ATP2C1: variants seen among roughly 807,000 people sequenced by gnomAD.
The protein encoded by ATP2C1 is ATPase secretory pathway Ca2+ transporting 1, also known as calcium-transporting ATPase type 2C member 1.
Under a neutral mutation model 120.5 loss-of-function variants are expected in ATP2C1, and 31 were observed. That is an observed-to-expected ratio of 0.26 (90% CI 0.19 to 0.35). The LOEUF is 0.35. Among genes scored for constraint, ATP2C1 ranks in the 10% least tolerant of loss-of-function variants. The probability of loss-of-function intolerance (pLI) is 1.00; values close to 1 mark genes in which losing one functional copy is unlikely to be tolerated. For synonymous variants in ATP2C1, 351 were observed against 358.7 expected (o/e 0.98, Z 0.24); for missense variants, 731 against 1,107.5 (o/e 0.66, Z 4.83).
chr3:130,964,238 ACC>A, intron 13 of ATP2C1, 143 bp downstream of exon 13: 1 of 1,225,268 alleles, frequency 8.2e-7, no homozygotes, highest in African/African-American at 1.5e-5. Context: ...GGTTTTAACA[ACC>A]AAAAAAGGCA....
chr3:131,007,317 T>C (rs1382314077), downstream of ATP2C1, among the ~76,000 whole-genome samples: 3 of 152,240 alleles, frequency 2.0e-5, no homozygotes, highest in African/African-American at 7.2e-5. Context: ...GATTTTGCTA[T>C]TCCTATCCTG....
intron 26 of ATP2C1, among the ~76,000 whole-genome samples, chr3:131,014,615 C>T (rs1472919658): frequency 1.3e-5 from 2 of 152,160 alleles, no homozygotes; most frequent in African/African-American, 4.8e-5. Flanking sequence ...CAACAAATTA[C>T]GTGATGCATG....
intron 7 of ATP2C1, among the ~76,000 whole-genome samples, chr3:130,941,252 G>GTGTGTGTCTGTGTGTGTGTGTC (rs371546814): frequency 6.9e-6 from 1 of 144,274 alleles, no homozygotes; most frequent in South Asian, 2.2e-4. Flanking sequence ...GTGTGTGTGT[G>GTGTGTGTCTGTGTGTGTGTGTC]TGTGTGTGTG....
At chr3:130,978,796 A>T (rs940242544) in intron 18 of ATP2C1, among the ~76,000 whole-genome samples, 1 of 152,182 alleles carries the variant, frequency 6.6e-6, no homozygotes, top group Admixed American at 6.5e-5. Context: ...CAGAGTGTTT[A>T]ATTTTTCTGG....
Position 130,996,801 on chromosome 3 carries a change from G to A in ATP2C1, c.2243+5G>A, listed in dbSNP as rs1407942726. On this transcript the variant is annotated splice_donor_5th_base_variant and intron_variant, in intron 24 of 27. Coordinates refer to ENST00000510168, the MANE Select transcript of ATP2C1 (RefSeq NM_001378687.1). ...GGATGGACCCCCAGCTCAGAGGTACGAGTTTTTTAATTGCATGAGCTGGAA... is the reference window on the plus strand; with the variant it reads ...GGATGGACCCCCAGCTCAGAGGTACAAGTTTTTTAATTGCATGAGCTGGAA... The A allele has an allele frequency of 1.6e-5, 25 of 1,564,940 alleles. No individual in the cohort carries two copies. Among genetic ancestry groups the A allele is most frequent in the South Asian group, 5.6e-5 (5 of 90,074 alleles).
chr3:130,883,487 G>A (rs1348009178), intron 1 of ATP2C1, among the ~76,000 whole-genome samples: 1 of 141,594 alleles, frequency 7.1e-6, no homozygotes, highest in African/African-American at 2.6e-5. Context: ...TCTCCACAGA[G>A]TTTTGCTCTG....
chr3:130,938,313 T>G (rs556279581), intron 6 of ATP2C1, among the ~76,000 whole-genome samples: 1 of 152,372 alleles, frequency 6.6e-6, no homozygotes, highest in East Asian at 1.9e-4. Flanking sequence ...CCTTTTTAGC[T>G]AGAACATGGT....
intron 1 of ATP2C1, among the ~76,000 whole-genome samples, chr3:130,864,725 T>C (rs1302607206): frequency 2.0e-5 from 3 of 152,228 alleles, no homozygotes; most frequent in Non-Finnish European, 2.9e-5. Context: ...CCCGAAGCCT[T>C]GGCAGCTTCC....
intron 17 of ATP2C1, among the ~76,000 whole-genome samples, chr3:130,974,012 C>G (rs2061440187): frequency 6.6e-6 from 1 of 152,060 alleles, no homozygotes; most frequent in Admixed American, 6.6e-5. Flanking sequence ...TACAGCAGGC[C>G]TAGAAATCAG....
upstream of ATP2C1, among the ~76,000 whole-genome samples, chr3:130,890,553 G>A (rs1425265892): frequency 1.3e-5 from 2 of 152,360 alleles, no homozygotes; most frequent in African/African-American, 4.8e-5. Context: ...GCTAGCAAGT[G>A]TGAAAGAGGC....
intron 1 of ATP2C1, among the ~76,000 whole-genome samples, chr3:130,885,834 C>A (rs1432844075): frequency 1.3e-5 from 2 of 151,998 alleles, no homozygotes; most frequent in African/African-American, 4.8e-5. Context: ...CTATTACCAG[C>A]GAGTTTGTAC....
At chr3:130,879,084 T>A (rs1291219836) in intron 1 of ATP2C1, among the ~76,000 whole-genome samples, 1 of 152,128 alleles carries the variant, frequency 6.6e-6, no homozygotes, top group East Asian at 1.9e-4. Flanking sequence ...TTTGACAGAG[T>A]CTCACTCTGT....
At chr3:130,873,369 GA>G (rs907189628) in intron 1 of ATP2C1, among the ~76,000 whole-genome samples, 2 of 152,154 alleles carry the variant, frequency 1.3e-5, no homozygotes, top group Non-Finnish European at 2.9e-5. Flanking sequence ...TCACCTTTAA[GA>G]AGCAATTAAT....
rs58132936 is a variant in ATP2C1, at chr3:130,906,521, T to C, written c.6+11746T>C. 4.8e-3 allele frequency among the ~76,000 whole-genome samples: 734 copies of C among 152,170 alleles called. 6 individuals carry two copies. Among genetic ancestry groups the C allele is most frequent in the African/African-American group, 0.016 (665 of 41,552 alleles). On this transcript the variant is annotated intron_variant, in intron 2 of 27. Coordinates refer to ENST00000510168, the MANE Select transcript of ATP2C1 (RefSeq NM_001378687.1). ...TAAACATGTTTTCAGTTTTTTCAGG[T>C]GTATACTTAGGAGTAGAAGTGCTGG...
At chr3:130,993,142 C>T in intron 21 of ATP2C1, 141 bp downstream of exon 21, 1 of 673,778 alleles carries the variant, frequency 1.5e-6, no homozygotes. Context: ...TTTGTAAGAG[C>T]TTGACATAGA....
At chr3:130,972,886 A>G (rs2061391549) in intron 17 of ATP2C1, among the ~76,000 whole-genome samples, 1 of 152,120 alleles carries the variant, frequency 6.6e-6, no homozygotes, top group South Asian at 2.1e-4. Context: ...AATCTTTAGT[A>G]TGAAAGCCAA....
intron 2 of ATP2C1, among the ~76,000 whole-genome samples, chr3:130,911,427 G>C: frequency 1.3e-5 from 2 of 150,368 alleles, no homozygotes; most frequent in African/African-American, 2.5e-5. Context: ...TTTTTTGAAG[G>C]GTTTTTTGTG....
intron 26 of ATP2C1, among the ~76,000 whole-genome samples, chr3:131,013,282 A>G (rs1265560109): frequency 3.9e-5 from 6 of 152,198 alleles, no homozygotes; most frequent in Non-Finnish European, 8.8e-5. Flanking sequence ...ACAATCACCT[A>G]ATACATGATA....
intron 1 of ATP2C1, among the ~76,000 whole-genome samples, chr3:130,878,532 T>C (rs2068681148): frequency 6.6e-6 from 1 of 152,232 alleles, no homozygotes; most frequent in South Asian, 2.1e-4. Context: ...GACATTGTCC[T>C]TTAGCTTCCA....
Sources: gnomAD v4.1 joint callset for allele counts (sites outside exome capture counted in the v4.1 genomes callset) on GRCh38, gnomAD v4.1.1 for gene constraint, MANE v1.5 for transcripts, NCBI Gene and HGNC (gene_info 2026-07-23, HGNC 2026-07-21) for gene names.